AGRN: variants seen among roughly 807,000 people sequenced by gnomAD.
AGRN encodes agrin, also known as agrin proteoglycan.
AGRN carries 106 observed loss-of-function variants against 211.0 expected under a neutral mutation model. The ratio of observed to expected loss-of-function variants is 0.50; its 90% confidence interval spans 0.43 to 0.59. The LOEUF (loss-of-function observed/expected upper bound fraction) is 0.59. Among genes scored for constraint, AGRN ranks in the 20% least tolerant of loss-of-function variants. AGRN has a pLI of 0.00. For synonymous variants in AGRN, 1,525 were observed against 1,332.5 expected (o/e 1.14, Z -3.15); for missense variants, 3,040 against 2,982.6 (o/e 1.02, Z -0.45).
chr1:1,046,237 C>T lies in AGRN; in HGVS notation c.2883C>T (p.Ile961=), dbSNP rs1243145715. Residue 961 remains isoleucine, a synonymous_variant, in exon 17 of 36, where the codon ATC becomes ATT. Transcript: ENST00000379370. ...TCGCCTGCCGCCAGGGCCTGCAAATCTCTATCCAGAGCCTGGGCCCGTGCC... is the reference window on the plus strand; with the variant it reads ...TCGCCTGCCGCCAGGGCCTGCAAATTTCTATCCAGAGCCTGGGCCCGTGCC... ...KTIACRQGLQ[I]SIQSLGPCQE... The T allele has an allele frequency of 1.2e-6, 2 of 1,613,636 alleles. No individual in the cohort carries two copies. The highest frequency in any genetic ancestry group is 1.7e-6 in the Non-Finnish European group (2 of 1,180,000).
chr1:1,046,126 G>A, intron 16 of AGRN, 34 bp from the exon 17 acceptor site: 1 of 1,613,958 alleles, frequency 6.2e-7, no homozygotes, highest in Non-Finnish European at 8.5e-7. Flanking sequence ...TGGGGAGGAG[G>A]CCTCGCCTTG....
At chr1:1,034,205 C>T (rs990512488) in intron 2 of AGRN, 2 of 985,376 alleles carry the variant, frequency 2.0e-6, no homozygotes, top group East Asian at 2.3e-4. Context: ...GCCTCTCCGG[C>T]CTGCGCGGCT....
intron 2 of AGRN, among the ~76,000 whole-genome samples, chr1:1,024,280 C>A (rs1191329706): frequency 2.0e-5 from 3 of 151,982 alleles, no homozygotes; most frequent in South Asian, 2.1e-4. Context: ...GGAGAAGGGA[C>A]AATTCTGTGT....
intron 20 of AGRN, 46 bp from the exon 21 acceptor site, chr1:1,047,527 C>T: frequency 6.2e-7 from 1 of 1,612,552 alleles, no homozygotes. Flanking sequence ...ACCAGGGCAG[C>T]CCGGCTTGGG....
chr1:1,034,819 G>T, intron 2 of AGRN: 1 of 674,418 alleles, frequency 1.5e-6, no homozygotes, highest in Non-Finnish European at 1.9e-6. Context: ...CCCGGGGATG[G>T]GATGGGTCAC....
At chr1:1,049,481 GA>G in intron 25 of AGRN, 30 bp downstream of exon 25, 1 of 1,600,074 alleles carries the variant, frequency 6.2e-7, no homozygotes. Context: ...GTGTGGCCCC[GA>G]CCCCGGCCCT....
intron 1 of AGRN, among the ~76,000 whole-genome samples, chr1:1,021,440 A>G (rs1390791106): frequency 6.6e-6 from 1 of 152,224 alleles, no homozygotes; most frequent in African/African-American, 2.4e-5. Flanking sequence ...GGCTCCCAGC[A>G]GGGGCTGCGC....
Position 1,053,853 on chromosome 1 carries a change from T to C in AGRN, c.5752T>C (p.Tyr1918His), listed in dbSNP as rs768254467. 3 of 1,610,700 alleles carry C rather than the reference T, an allele frequency of 1.9e-6. No homozygotes were observed. The highest frequency in any genetic ancestry group is 1.7e-5 in the Admixed American group (1 of 59,736). ...TGGCAAGGCCACGGAGCGGGCAGAC[T>C]ATGTGGCACTGGCCATTGTGGACGG... Reference protein sequence around the residue: ...WSGKATERADYVALAIVDGHL... With the variant: ...WSGKATERADHVALAIVDGHL... Residue 1918 changes from tyrosine to histidine, a missense_variant, in exon 34 of 36, where the codon TAT becomes CAT. Coordinates refer to ENST00000379370, the MANE Select transcript of AGRN (RefSeq NM_198576.4).
intron 34 of AGRN, 143 bp downstream of exon 34, chr1:1,054,120 G>GGAA (rs1407605089): frequency 1.1e-6 from 1 of 920,692 alleles, no homozygotes; most frequent in African/African-American, 1.6e-5. Flanking sequence ...AGTGGGAGGA[G>GGAA]GAAGGGCCAA....
chr1:1,047,737 C>T (rs1163729763), intron 21 of AGRN, 39 bp from the exon 22 acceptor site: 3 of 1,612,066 alleles, frequency 1.9e-6, no homozygotes, highest in Non-Finnish European at 1.7e-6. Context: ...GTGGGGGATG[C>T]CTGGGGCTCT....
chr1:1,037,513 G>A (rs184322302), intron 3 of AGRN, among the ~76,000 whole-genome samples: 118 of 152,266 alleles, frequency 7.7e-4, no homozygotes, highest in Non-Finnish European at 1.4e-3. Flanking sequence ...AAATATACCC[G>A]CTCCTATAAA....
chr1:1,047,407 C>T lies in AGRN; in HGVS notation c.3469C>T (p.Pro1157Ser). ...ELFYTPEMAD[P>S]KSELFGETAR... Reference sequence around the variant, plus strand: ...GTTCTACACGCCCGAGATGGCTGACCCCAAGTCAGAACTGTTCGGGGAGAC... The same window carrying T: ...GTTCTACACGCCCGAGATGGCTGACTCCAAGTCAGAACTGTTCGGGGAGAC... The change falls in exon 20 of 36, where the codon CCC becomes TCC. Residue 1157 changes from proline to serine, a missense_variant. Around this residue, in one of 3 missense-constraint regions of AGRN, gnomAD observed 1,537 missense variants for 1,505.0 expected, o/e 1.02. Coordinates refer to ENST00000379370, the MANE Select transcript of AGRN (RefSeq NM_198576.4). The T allele has an allele frequency of 2.5e-6, 4 of 1,612,588 alleles. No homozygotes were observed. Among genetic ancestry groups the T allele is most frequent in the East Asian group, 2.2e-5 (1 of 44,860 alleles).
At position 1,045,500 on chromosome 1, in the gene AGRN, C is replaced by T. The variant is rs1157940115; in HGVS notation, c.2513C>T (p.Thr838Ile). The change falls in exon 14 of 36, where the codon ACC becomes ATC. Residue 838 changes from threonine to isoleucine, a missense_variant. Transcript: ENST00000379370. ...PGFWNFRGIVTDGRSGCTPCS... is the reference protein window; with the variant it reads ...PGFWNFRGIVIDGRSGCTPCS... ...TTCTGGAACTTTCGAGGCATCGTCA[C>T]CGATGGCCGGAGTGGCTGTACACGT... 6.2e-7 allele frequency: 1 copy of T among 1,612,992 alleles called. No individual in the cohort carries two copies. The highest frequency in any genetic ancestry group is 1.7e-5 in the Admixed American group (1 of 60,024).
chr1:1,040,571 A>G, intron 3 of AGRN, 94 bp from the exon 4 acceptor site: 1 of 1,440,802 alleles, frequency 6.9e-7, no homozygotes, highest in Non-Finnish European at 9.4e-7. Flanking sequence ...GGGCGGGTGA[A>G]TGCGCGGGCT....
At chr1:1,039,163 C>T (rs1177483767) in intron 3 of AGRN, among the ~76,000 whole-genome samples, 3 of 152,164 alleles carry the variant, frequency 2.0e-5, no homozygotes, top group Non-Finnish European at 4.4e-5. Context: ...GCTGAGCAGC[C>T]TGGCTGTAAG....
Position 1,032,580 on chromosome 1 carries a change from G to A in AGRN, c.464-2697G>A, listed in dbSNP as rs1354704111. On this transcript the variant is annotated intron_variant, in intron 2 of 35. Transcript: ENST00000379370. This position sits in a 1 kb window ranked among gnomAD's most constrained non-coding sequence, Gnocchi z 4.7. ...GGGTGGACTGAGGTGAGGCCTGGGT[G>A]TGACCACGCGGTGGCACTGGTGGCT... 6.6e-6 allele frequency among the ~76,000 whole-genome samples: 1 copy of A among 152,212 alleles called. No individual in the cohort carries two copies. Among genetic ancestry groups the A allele is most frequent in the Non-Finnish European group, 1.5e-5 (1 of 68,032 alleles).
At chr1:1,022,087 T>A in intron 1 of AGRN, 114 bp from the exon 2 acceptor site, 1 of 1,385,276 alleles carries the variant, frequency 7.2e-7, no homozygotes, top group South Asian at 1.2e-5. Context: ...TCTCCCCACA[T>A]CTCTGCCCAG....
intron 2 of AGRN, among the ~76,000 whole-genome samples, chr1:1,033,364 C>G (rs1334927082): frequency 6.6e-6 from 1 of 151,756 alleles, no homozygotes; most frequent in Non-Finnish European, 1.5e-5. Context: ...CGCGGGCACA[C>G]GCACGACGAC....
Position 1,051,375 on chromosome 1 carries a change from TG to T in AGRN, c.5370+11del. ...TCGACGGTGCCATCCAGCTGGTATG[TG>T]GGGGCGGGGCGTCCCAGCAGGGCCT... On this transcript the variant is annotated splice_region_variant and intron_variant, in intron 31 of 35. Coordinates refer to ENST00000379370, the MANE Select transcript of AGRN (RefSeq NM_198576.4). 1.4e-6 allele frequency: 2 copies of T among 1,383,066 alleles called. No homozygotes were observed. The highest frequency in any genetic ancestry group is 2.5e-5 in the South Asian group (2 of 81,594). The allele number at this position is 1,383,066 out of a possible 1,614,324, so 85.7% of individuals were successfully genotyped here.
Sources: allele counts gnomAD v4.1 joint callset (sites outside exome capture counted in the v4.1 genomes callset), GRCh38; gene constraint gnomAD v4.1.1; regional missense constraint gnomAD v4.1.1; non-coding constraint Gnocchi (gnomAD v3.1); transcripts MANE v1.5; gene names NCBI Gene and HGNC (gene_info 2026-07-23, HGNC 2026-07-21).